ZNF892: variants seen among roughly 807,000 people sequenced by gnomAD.
ZNF892 encodes the protein zinc finger protein 570-like.
chr2:95,249,810 C>T, the ZNF892 span, among the ~76,000 whole-genome samples: 21 of 151,926 alleles, frequency 1.4e-4, no homozygotes, highest in Non-Finnish European at 5.9e-5. Flanking sequence ...CTTAAACACG[C>T]GTAATAGTGT....
At chr2:95,221,136 CA>C in the ZNF892 span, among the ~76,000 whole-genome samples, 1 of 152,148 alleles carries the variant, frequency 6.6e-6, no homozygotes, top group Non-Finnish European at 1.5e-5. Context: ...AGAATGATTG[CA>C]AGAGTTAGGT....
At chr2:95,240,967 C>T in the ZNF892 span, among the ~76,000 whole-genome samples, 1 of 152,240 alleles carries the variant, frequency 6.6e-6, no homozygotes, top group Middle Eastern at 3.2e-3. Context: ...TTTAGCCACT[C>T]CAGCCAGGGT....
the ZNF892 span, among the ~76,000 whole-genome samples, chr2:95,234,428 C>T: frequency 6.6e-6 from 1 of 152,218 alleles, no homozygotes; most frequent in Non-Finnish European, 1.5e-5. Flanking sequence ...TCCTGCCTCA[C>T]TCACCCTGGA....
the ZNF892 span, among the ~76,000 whole-genome samples, chr2:95,209,608 T>A: frequency 2.2e-4 from 34 of 152,340 alleles, 1 homozygote; most frequent in East Asian, 4.0e-3. Context: ...CAGGTACTGA[T>A]GATCCTTATA....
At chr2:95,252,797 A>G in the ZNF892 span, among the ~76,000 whole-genome samples, 1 of 152,164 alleles carries the variant, frequency 6.6e-6, no homozygotes, top group Non-Finnish European at 1.5e-5. Flanking sequence ...GTGAGATGGT[A>G]TCTCATTGTG....
At chr2:95,210,259 A>G in the ZNF892 span, among the ~76,000 whole-genome samples, 1 of 150,442 alleles carries the variant, frequency 6.6e-6, no homozygotes, top group African/African-American at 2.4e-5. Flanking sequence ...ATGTGTATAT[A>G]TATGTGTGTG....
chr2:95,206,712 C>G, the ZNF892 span, among the ~76,000 whole-genome samples: 2 of 152,136 alleles, frequency 1.3e-5, no homozygotes, highest in African/African-American at 2.4e-5. Context: ...GGTGCTAATA[C>G]CTTATCAATT....
the ZNF892 span, among the ~76,000 whole-genome samples, chr2:95,255,013 T>A: frequency 2.6e-5 from 4 of 152,218 alleles, no homozygotes; most frequent in Non-Finnish European, 5.9e-5. Context: ...ATTTTGTTGA[T>A]CTTTTCAGAA....
At chr2:95,215,284 A>G in the ZNF892 span, 4 of 479,040 alleles carry the variant, frequency 8.4e-6, no homozygotes, top group Middle Eastern at 2.9e-4. Flanking sequence ...GAGAAACCCT[A>G]TAAATGCAAT....
At chr2:95,243,404 G>A in the ZNF892 span, among the ~76,000 whole-genome samples, 5 of 151,250 alleles carry the variant, frequency 3.3e-5, no homozygotes, top group East Asian at 9.8e-4. Flanking sequence ...TAGGAAGTGA[G>A]GAGCGCCTCT....
the ZNF892 span, among the ~76,000 whole-genome samples, chr2:95,250,244 T>A: frequency 2.6e-5 from 4 of 152,044 alleles, no homozygotes; most frequent in Non-Finnish European, 2.9e-5. Flanking sequence ...AATTTTATAA[T>A]CTTGAACATC....
the ZNF892 span, among the ~76,000 whole-genome samples, chr2:95,241,229 C>A: frequency 6.6e-6 from 1 of 152,212 alleles, no homozygotes. Flanking sequence ...CCCCAACAAG[C>A]ATGTTTGGGC....
At chr2:95,240,167 G>A in the ZNF892 span, among the ~76,000 whole-genome samples, 8 of 152,004 alleles carry the variant, frequency 5.3e-5, no homozygotes, top group Non-Finnish European at 1.2e-4. Context: ...GAGGAGCAAA[G>A]ATGTCCAGTT....
the ZNF892 span, among the ~76,000 whole-genome samples, chr2:95,209,094 A>C: frequency 2.6e-5 from 4 of 152,338 alleles, no homozygotes; most frequent in East Asian, 7.7e-4. Context: ...TAAACATAGA[A>C]ATCATTGGTC....
At chr2:95,222,389 T>C in the ZNF892 span, among the ~76,000 whole-genome samples, 1 of 152,222 alleles carries the variant, frequency 6.6e-6, no homozygotes, top group African/African-American at 2.4e-5. Flanking sequence ...GAGTGTATGT[T>C]TACCTTTGTA....
chr2:95,260,516 T>A, the ZNF892 span, among the ~76,000 whole-genome samples: 1 of 152,164 alleles, frequency 6.6e-6, no homozygotes, highest in Non-Finnish European at 1.5e-5. Flanking sequence ...ACTGCCTCCC[T>A]CACCAAAGTG....
the ZNF892 span, among the ~76,000 whole-genome samples, chr2:95,225,311 C>T: frequency 2.6e-5 from 4 of 152,224 alleles, no homozygotes; most frequent in East Asian, 7.7e-4. Context: ...TAGCAGAATA[C>T]CACAGATGGT....
the ZNF892 span, among the ~76,000 whole-genome samples, chr2:95,232,527 A>C: frequency 6.6e-6 from 1 of 152,148 alleles, no homozygotes; most frequent in African/African-American, 2.4e-5. Flanking sequence ...TTTCCATTAC[A>C]GTATTTTGTT....
chr2:95,243,772 C>T, the ZNF892 span, among the ~76,000 whole-genome samples: 3 of 151,700 alleles, frequency 2.0e-5, no homozygotes, highest in Non-Finnish European at 4.4e-5. Flanking sequence ...GTGAGGGGCG[C>T]CTCAGCCCGG....
Sources: gnomAD v4.1 joint callset for allele counts (sites outside exome capture counted in the v4.1 genomes callset) on GRCh38, gnomAD v4.1.1 for gene constraint, MANE v1.5 for transcripts, NCBI Gene and HGNC (gene_info 2026-07-23, HGNC 2026-07-21) for gene names.